The following CEACAM1 variants were observed in gnomAD, a reference collection of about 807,000 sequenced individuals.
CEACAM1 encodes the protein CEA cell adhesion molecule 1.
CEACAM1 carries 31 observed loss-of-function variants against 49.1 expected under a neutral mutation model. That is an observed-to-expected ratio of 0.63 (90% CI 0.47 to 0.85). CEACAM1 has a LOEUF of 0.85. CEACAM1 is among the 40% of genes least tolerant of loss of function. The pLI, the probability that CEACAM1 is intolerant of heterozygous loss-of-function variation, is 0.00. For missense variants in CEACAM1, 570 were observed against 645.3 expected (o/e 0.88, Z 1.26); for synonymous variants, 244 against 247.8 (o/e 0.98, Z 0.14).
intron 5 of CEACAM1, chr19:42,515,174 A>T: frequency 1.9e-6 from 1 of 535,124 alleles, no homozygotes; most frequent in East Asian, 3.2e-5. Context: ...AAGGTGAGGG[A>T]ATTGCTTGAG....
Position 42,528,401 on chromosome 19 carries a change from C to T in CEACAM1, c.-27G>A. The T allele has an allele frequency of 6.2e-7, 1 of 1,612,630 alleles. No individual in the cohort carries two copies. Among genetic ancestry groups the T allele is most frequent in the Non-Finnish European group, 8.5e-7 (1 of 1,178,866 alleles). ...GTGTCTCCTGCTGGCCCTGTCTTCA[C>T]CTGTGGAGGAGAGCTTGGGCTCCAG... is the stretch of plus-strand genomic sequence containing the variant. On this transcript the variant is annotated 5_prime_UTR_variant, in exon 1 of 9. The change creates a new upstream start codon in the 5' untranslated region. Coordinates refer to ENST00000161559, the MANE Select transcript of CEACAM1 (RefSeq NM_001712.5).
chr19:42,512,609 TTGC>T, intron 5 of CEACAM1, 130 bp from the exon 6 acceptor site: 1 of 874,674 alleles, frequency 1.1e-6, no homozygotes. Context: ...TGTGGGAAGG[TTGC>T]TGGAAGGTGA....
intron 5 of CEACAM1, chr19:42,516,742 A>AT (rs1249839502): frequency 9.7e-6 from 2 of 205,174 alleles, no homozygotes; most frequent in Non-Finnish European, 2.0e-5. Context: ...TGGTTTCAAA[A>AT]TTTTTTACAA....
In CEACAM1 at chr19:42,518,994, G is replaced by A. The variant is rs911225264; in HGVS notation, c.1200C>T (p.Asn400=). The change falls in exon 5 of 9, where the codon AAC becomes AAT. Residue 400 remains asparagine, a synonymous_variant. Coordinates refer to ENST00000161559, the MANE Select transcript of CEACAM1 (RefSeq NM_001712.5). ...GGTCGCTTTGGTTCTTACTGATTGGGTTGAAGACCTCACACCAATACGTCC... is the reference window on the plus strand; with the variant it reads ...GGTCGCTTTGGTTCTTACTGATTGGATTGAAGACCTCACACCAATACGTCC... ...DAGTYWCEVF[N]PISKNQSDPI... 2 of 1,614,164 alleles carry A rather than the reference G, an allele frequency of 1.2e-6. No individual in the cohort carries two copies. The highest frequency in any genetic ancestry group is 8.5e-7 in the Non-Finnish European group (1 of 1,180,024).
intron 3 of CEACAM1, 66 bp from the exon 4 acceptor site, chr19:42,521,587 G>T: frequency 6.3e-7 from 1 of 1,576,412 alleles, no homozygotes; most frequent in East Asian, 2.2e-5. Flanking sequence ...CTGGTCTGGA[G>T]AAGGGCCACA....
chr19:42,511,706 AGCAG>A (rs1217418885), intron 6 of CEACAM1, 78 bp from the exon 7 acceptor site: 1 of 1,400,352 alleles, frequency 7.1e-7, no homozygotes. Flanking sequence ...GGACACTGTG[AGCAG>A]GTAATTCCTT....
intron 5 of CEACAM1, chr19:42,516,956 C>G (rs2041614952): frequency 5.4e-6 from 2 of 367,996 alleles, no homozygotes; most frequent in South Asian, 4.1e-5. Context: ...CTACAGTAAT[C>G]AAAACAGTAT....
At chr19:42,515,369 C>A (rs909003271) in intron 5 of CEACAM1, among the ~76,000 whole-genome samples, 1 of 152,048 alleles carries the variant, frequency 6.6e-6, no homozygotes, top group African/African-American at 2.4e-5. Context: ...GAATCTTGTG[C>A]AAGAAAGAAA....
At chr19:42,513,998 A>G (rs916636009) in intron 5 of CEACAM1, among the ~76,000 whole-genome samples, 7 of 106,830 alleles carry the variant, frequency 6.6e-5, no homozygotes, top group East Asian at 2.5e-4. Flanking sequence ...TTCTCACTCT[A>G]TCACCCAGGC....
chr19:42,519,464 C>G, intron 4 of CEACAM1: 2 of 536,142 alleles, frequency 3.7e-6, no homozygotes, highest in East Asian at 6.5e-5. Context: ...GACCCCAGAT[C>G]GTCTCAGAGT....
intron 2 of CEACAM1, among the ~76,000 whole-genome samples, chr19:42,523,129 C>A (rs1253165719): frequency 6.6e-6 from 1 of 152,190 alleles, no homozygotes; most frequent in Non-Finnish European, 1.5e-5. Flanking sequence ...CTGGAACATA[C>A]AGGTGCTGGG....
intron 2 of CEACAM1, 71 bp from the exon 3 acceptor site, chr19:42,522,273 T>C: frequency 6.4e-7 from 1 of 1,563,846 alleles, no homozygotes; most frequent in South Asian, 1.2e-5. Flanking sequence ...TTTTCTTTTC[T>C]TATTTATTTA....
At chr19:42,511,034 A>G (rs2041444341) in intron 7 of CEACAM1, 114 bp from the exon 8 acceptor site, 2 of 944,286 alleles carry the variant, frequency 2.1e-6, no homozygotes, top group African/African-American at 1.6e-5. Context: ...TCAGTTAAGG[A>G]ATTTACTTCC....
Position 42,521,151 on chromosome 19 carries a change from A to G in CEACAM1, c.958+116T>C, listed in dbSNP as rs1207481635. ...TGAGAGGGTTCAGGGGAGAATTTGG[A>G]CTTGTTTGTGCCTGTTGGATACAGG... On this transcript the variant is annotated intron_variant, in intron 4 of 8. Transcript: ENST00000161559. 6 of 1,130,346 alleles carry G rather than the reference A, an allele frequency of 5.3e-6. No homozygotes were observed. The East Asian group carries it at 1.4e-4, about 27-fold the overall frequency. 70.0% of individuals were successfully genotyped at this position (1,130,346 alleles called of 1,614,324 possible). A position where few individuals can be genotyped will look rare whatever the true frequency, so the allele number is the denominator to read the frequency against.
intron 2 of CEACAM1, among the ~76,000 whole-genome samples, chr19:42,522,592 C>T (rs2041784310): frequency 1.3e-5 from 2 of 151,188 alleles, no homozygotes; most frequent in South Asian, 4.2e-4. Context: ...GACAGAGTCT[C>T]GCTTTGTTGC....
chr19:42,522,576 T>G (rs1274934017), intron 2 of CEACAM1, among the ~76,000 whole-genome samples: 1 of 151,546 alleles, frequency 6.6e-6, no homozygotes, highest in East Asian at 2.0e-4. Context: ...TTCTTTTTTT[T>G]TTTGAGACAG....
chr19:42,518,287 ACCTGT>A (rs2041648643), intron 5 of CEACAM1, among the ~76,000 whole-genome samples: 1 of 151,938 alleles, frequency 6.6e-6, no homozygotes, highest in Non-Finnish European at 1.5e-5. Context: ...TGGTGGTGCA[ACCTGT>A]AGTCCCAGCT....
intron 7 of CEACAM1, chr19:42,511,326 T>G (rs2147768626): frequency 1.7e-6 from 1 of 588,362 alleles, no homozygotes; most frequent in South Asian, 2.1e-5. Context: ...AAATGGCTCC[T>G]GGAAACATGG....
At chr19:42,516,292 GT>G (rs767387267) in intron 5 of CEACAM1, among the ~76,000 whole-genome samples, 2 of 152,024 alleles carry the variant, frequency 1.3e-5, no homozygotes, top group Non-Finnish European at 2.9e-5. Context: ...CAAAAAAACT[GT>G]TAGAATAATA....
Sources: allele counts gnomAD v4.1 joint callset (sites outside exome capture counted in the v4.1 genomes callset), GRCh38; gene constraint gnomAD v4.1.1; transcripts MANE v1.5; gene names NCBI Gene and HGNC (gene_info 2026-07-23, HGNC 2026-07-21).